FAM241A: variants seen among roughly 807,000 people sequenced by gnomAD.
FAM241A encodes the protein uncharacterized protein FAM241A.
In FAM241A, 7 loss-of-function variants were observed where a neutral mutation model predicts 12.2. The ratio of observed to expected loss-of-function variants is 0.58; its 90% CI spans 0.33 to 1.08. FAM241A has a LOEUF of 1.08. Ranked by LOEUF, FAM241A falls within the 50% of genes least tolerant of loss-of-function variation. The probability of loss-of-function intolerance (pLI) is 0.04; values close to 1 mark genes in which losing one functional copy is unlikely to be tolerated. For missense variants in FAM241A, 161 were observed against 169.7 expected, an observed-to-expected ratio of 0.95 and a Z score of 0.29; for synonymous variants, 74 against 68.2, an observed-to-expected ratio of 1.08 and a Z score of -0.42.
chr4:112,171,355 A>T, intron 1 of FAM241A: 1 of 757,008 alleles, frequency 1.3e-6, no homozygotes, highest in Non-Finnish European at 2.4e-6. Flanking sequence ...AAGCAGAGTG[A>T]CTATGGGGGA....
intron 1 of FAM241A, among the ~76,000 whole-genome samples, chr4:112,152,309 C>T (rs6815167): frequency 0.01 from 1,532 of 152,162 alleles, 29 homozygotes; most frequent in African/African-American, 0.035. Context: ...TGGTAAACAT[C>T]GTATAATGCC....
Position 112,192,079 on chromosome 4 carries a change from T to A in FAM241A, c.*5141T>A, listed in dbSNP as rs1724177637. The A allele has an allele frequency of 6.6e-6, 1 of 152,158 alleles. No individual in the cohort carries two copies. The highest frequency in any genetic ancestry group is 2.1e-4 in the South Asian group (1 of 4,838). The allele number at this position is 152,158 out of a possible 1,614,324, so 9.4% of individuals were successfully genotyped here. A position where few individuals can be genotyped will look rare whatever the true frequency, so the allele number is the denominator to read the frequency against. The stretch of plus-strand genomic sequence containing the variant: ...GTATACTTACTGTGCACAAAGAGCA[T>A]GGGTTGATGTATACATTATAATTTA... On this transcript the variant is annotated 3_prime_UTR_variant, in exon 2 of 2. Coordinates refer to ENST00000309733, the MANE Select transcript of FAM241A (RefSeq NM_152400.3).
Position 112,187,908 on chromosome 4 carries a change from C to A in FAM241A, c.*970C>A, listed in dbSNP as rs1310260418. On this transcript the variant is annotated 3_prime_UTR_variant, in exon 2 of 2. Coordinates refer to ENST00000309733, the MANE Select transcript of FAM241A (RefSeq NM_152400.3). Reference sequence around the variant, plus strand: ...GTTGTTTTCAGGAAAAAAATCAGATCATTTTTCTTTGATATCTATATCAGA... The same window carrying A: ...GTTGTTTTCAGGAAAAAAATCAGATAATTTTTCTTTGATATCTATATCAGA... 1 of 151,860 alleles carries A rather than the reference C, an allele frequency of 6.6e-6. No individual in the cohort carries two copies. The highest frequency in any genetic ancestry group is 1.5e-5 in the Non-Finnish European group (1 of 67,912). 9.4% of individuals were successfully genotyped at this position (151,860 alleles called of 1,614,324 possible).
At chr4:112,164,884 G>C (rs1479645904) in intron 1 of FAM241A, among the ~76,000 whole-genome samples, 2 of 152,192 alleles carry the variant, frequency 1.3e-5, no homozygotes, top group Non-Finnish European at 2.9e-5. Flanking sequence ...GCCTAGGCAG[G>C]CAGATCACTT....
chr4:112,186,696 G>A lies in FAM241A; in HGVS notation c.157G>A (p.Val53Ile), dbSNP rs1204993996. 26 of 1,566,166 alleles carry A rather than the reference G, an allele frequency of 1.7e-5. No individual in the cohort carries two copies. Among genetic ancestry groups the A allele is most frequent in the Admixed American group, 3.6e-5 (2 of 55,272 alleles). The stretch of plus-strand genomic sequence containing the variant: ...GTCTTTTTTTTTTTTTTTAAAGGAT[G>A]TTGAAGACTCACAGAACCACACTGG... Reference protein sequence around the residue: ...GQRPKESEQDVEDSQNHTGEP... With the variant: ...GQRPKESEQDIEDSQNHTGEP... The change falls in exon 2 of 2, where the codon GTT (valine) becomes ATT (isoleucine). Residue 53 changes from valine (V) to isoleucine (I), a missense_variant. By Grantham distance (29) the Val-to-Ile change is conservative. Coordinates refer to ENST00000309733, the MANE Select transcript of FAM241A (RefSeq NM_152400.3).
chr4:112,175,777 G>A (rs568553982), intron 1 of FAM241A, among the ~76,000 whole-genome samples: 21 of 151,530 alleles, frequency 1.4e-4, no homozygotes, highest in African/African-American at 4.8e-4. Flanking sequence ...AAAAAAAAAA[G>A]AAAGAAAATG....
intron 1 of FAM241A, among the ~76,000 whole-genome samples, chr4:112,181,778 G>A (rs946304571): frequency 6.6e-6 from 1 of 152,202 alleles, no homozygotes; most frequent in African/African-American, 2.4e-5. Context: ...ATAAAGACAG[G>A]AAGGCTGATG....
chr4:112,173,274 C>A lies in FAM241A; in HGVS notation c.154-13419C>A, dbSNP rs902045858. On this transcript the variant is annotated intron_variant, in intron 1 of 1. Coordinates refer to ENST00000309733, the MANE Select transcript of FAM241A (RefSeq NM_152400.3). ...TCTTGATTTACTTTTTATATTTCTACATTTTTTAAGAACTTCCCCAGAGAG... is the reference window on the plus strand; with the variant it reads ...TCTTGATTTACTTTTTATATTTCTAAATTTTTTAAGAACTTCCCCAGAGAG... Among the ~76,000 whole-genome samples, 4 of 152,178 alleles carry A rather than the reference C, an allele frequency of 2.6e-5. No homozygotes were observed. In the East Asian group the frequency reaches 7.7e-4, roughly 29 times the overall value.
intron 1 of FAM241A, among the ~76,000 whole-genome samples, chr4:112,179,219 G>A (rs887625061): frequency 1.3e-5 from 2 of 152,106 alleles, no homozygotes; most frequent in African/African-American, 4.8e-5. Context: ...TGTCCTGAAT[G>A]GTATTGCCTA....
intron 1 of FAM241A, 56 bp from the exon 2 acceptor site, chr4:112,186,637 C>A: frequency 6.6e-7 from 1 of 1,511,968 alleles, no homozygotes. Context: ...TTCTTAAAGA[C>A]GTTTACATAT....
At chr4:112,146,482 A>G (rs1305008641) in intron 1 of FAM241A, among the ~76,000 whole-genome samples, 1 of 152,256 alleles carries the variant, frequency 6.6e-6, no homozygotes, top group Non-Finnish European at 1.5e-5. Flanking sequence ...AAGATTAGGC[A>G]AAAGGTTTAA....
intron 1 of FAM241A, chr4:112,171,315 T>G: frequency 1.3e-6 from 1 of 754,764 alleles, no homozygotes; most frequent in Non-Finnish European, 2.4e-6. Flanking sequence ...GGATTCTCTG[T>G]ATGCCCAGGG....
In FAM241A at chr4:112,192,368, T is replaced by C. The variant is rs1364001951; in HGVS notation, c.*5430T>C. 6.6e-6 allele frequency: 1 copy of C among 152,136 alleles called. No homozygotes were observed. Among genetic ancestry groups the C allele is most frequent in the African/African-American group, 2.4e-5 (1 of 41,390 alleles). 9.4% of individuals were successfully genotyped at this position (152,136 alleles called of 1,614,324 possible). A position where few individuals can be genotyped will look rare whatever the true frequency, so the allele number is the denominator to read the frequency against. On this transcript the variant is annotated 3_prime_UTR_variant, in exon 2 of 2. Coordinates refer to ENST00000309733, the MANE Select transcript of FAM241A (RefSeq NM_152400.3). ...CTTTTATTTTATTGTTATTATACTTTAAGTTTTAGGGTACATGTGTACAAT... is the reference window on the plus strand; with the variant it reads ...CTTTTATTTTATTGTTATTATACTTCAAGTTTTAGGGTACATGTGTACAAT...
intron 1 of FAM241A, among the ~76,000 whole-genome samples, chr4:112,181,337 AGG>A (rs1313089817): frequency 1.3e-5 from 2 of 152,026 alleles, no homozygotes; most frequent in East Asian, 3.9e-4. Context: ...AAAAAAAAAA[AGG>A]AGCAAAGTAG....
chr4:112,183,709 T>A (rs985536335), intron 1 of FAM241A, among the ~76,000 whole-genome samples: 3 of 151,834 alleles, frequency 2.0e-5, no homozygotes, highest in Non-Finnish European at 2.9e-5. Context: ...AAAATTTTTT[T>A]AAGAACTTTA....
At chr4:112,171,877 CA>C (rs924305240) in intron 1 of FAM241A, among the ~76,000 whole-genome samples, 2 of 149,760 alleles carry the variant, frequency 1.3e-5, no homozygotes, top group Middle Eastern at 3.2e-3. Context: ...AAAACAAAAA[CA>C]AAAAAAAATC....
chr4:112,187,745 C>T lies in FAM241A; in HGVS notation c.*807C>T, dbSNP rs1433687622. The T allele has an allele frequency of 6.6e-6, 1 of 152,026 alleles. No homozygotes were observed. The highest frequency in any genetic ancestry group is 1.5e-5 in the Non-Finnish European group (1 of 67,896). The allele number at this position is 152,026 out of a possible 1,614,324, so 9.4% of individuals were successfully genotyped here. On this transcript the variant is annotated 3_prime_UTR_variant, in exon 2 of 2. Coordinates refer to ENST00000309733, the MANE Select transcript of FAM241A (RefSeq NM_152400.3). ...GTATCTAACAAGTTGCATATTTTTT[C>T]CTAGAGAGACATTTTCAGTGTATTT...
rs1723715290 is a variant in FAM241A at position 112,171,334 on chromosome 4, G to A, written c.154-15359G>A. The A allele has an allele frequency of 1.5e-5, 11 of 753,366 alleles. No individual in the cohort carries two copies. In the Admixed American group the frequency reaches 1.7e-4, roughly 12 times the overall value. 46.7% of individuals were successfully genotyped at this position (753,366 alleles called of 1,614,324 possible). A position where few individuals can be genotyped will look rare whatever the true frequency, so the allele number is the denominator to read the frequency against. ...TCTCTGTATGCCCAGGGAAAGCGGT[G>A]TTACGACAAGAAGCAGAGTGACTAT... is the stretch of plus-strand genomic sequence containing the variant. On this transcript the variant is annotated intron_variant, in intron 1 of 1. Coordinates refer to ENST00000309733, the MANE Select transcript of FAM241A (RefSeq NM_152400.3).
intron 1 of FAM241A, among the ~76,000 whole-genome samples, chr4:112,185,330 C>T (rs1724016446): frequency 6.6e-6 from 1 of 152,036 alleles, no homozygotes; most frequent in Non-Finnish European, 1.5e-5. Context: ...ATTGGAAAAG[C>T]ATGGTCACCA....
Sources: allele counts gnomAD v4.1 joint callset (sites outside exome capture counted in the v4.1 genomes callset), GRCh38; gene constraint gnomAD v4.1.1; transcripts MANE v1.5; gene names NCBI Gene and HGNC (gene_info 2026-07-23, HGNC 2026-07-21).